ZNF28: variants seen among roughly 807,000 people sequenced by gnomAD.
ZNF28 encodes zinc finger protein KOX24.
ZNF28 carries 5 observed loss-of-function variants against 7.2 expected under a neutral mutation model. The ratio of observed to expected loss-of-function variants is 0.70; its 90% CI spans 0.36 to 1.46. The LOEUF (loss-of-function observed/expected upper bound fraction) is 1.46, where lower values mean the gene tolerates loss of function less well. Ranked by LOEUF, ZNF28 falls within the 40% of genes most tolerant of loss-of-function variation. ZNF28 has a pLI of 0.03. For synonymous variants in ZNF28, 288 were observed against 292.4 expected (o/e 0.99, Z 0.15); for missense variants, 879 against 866.6 (o/e 1.01, Z -0.18).
At chr19:52,809,919 G>C in intron 2 of ZNF28, 1 of 849,418 alleles carries the variant, frequency 1.2e-6, no homozygotes, top group Non-Finnish European at 2.0e-6. Flanking sequence ...GCCCGGGGCC[G>C]GTGGGGAGGC....
At chr19:52,815,797 C>T (rs1208492638) in intron 2 of ZNF28, among the ~76,000 whole-genome samples, 1 of 146,158 alleles carries the variant, frequency 6.8e-6, no homozygotes, top group Non-Finnish European at 1.5e-5. Flanking sequence ...TGCACTCCAG[C>T]CTGGGCGACA....
Position 52,801,441 on chromosome 19 carries a change from T to A in ZNF28, c.404A>T (p.His135Leu). 10 of 1,614,224 alleles carry A rather than the reference T, an allele frequency of 6.2e-6. No individual in the cohort carries two copies. Among genetic ancestry groups the A allele is most frequent in the Non-Finnish European group, 8.5e-6 (10 of 1,180,030 alleles). ...QHDQRHAGNK[H>L]IKDQLGLSFH... is the part of the protein sequence containing the mutation. The stretch of plus-strand genomic sequence containing the variant: ...GCTTAATCCAAGCTGATCTTTAATA[T>A]GCTTGTTTCCAGCATGCCTTTGATC... The change falls in exon 4 of 4, where the codon CAT becomes CTT. Residue 135 changes from histidine (H) to leucine (L), a missense_variant. His to Leu is a moderately conservative substitution (Grantham distance 99). This residue lies in a region of ZNF28 where 864 missense variants were observed against 830.2 expected (regional missense o/e 1.04). Coordinates refer to ENST00000457749, the MANE Select transcript of ZNF28 (RefSeq NM_006969.5).
intron 2 of ZNF28, among the ~76,000 whole-genome samples, chr19:52,812,429 A>T (rs62120970): frequency 0.61 from 65,905 of 108,382 alleles, 21,915 homozygotes; most frequent in Non-Finnish European, 0.7. Context: ...TAAGAAAAAT[A>T]CTTCTGCCTT....
chr19:52,801,305 A>G lies in ZNF28; in HGVS notation c.540T>C (p.Ile180=), dbSNP rs761483613. ...NASSVSTSQR[I]CCRPKTHISN... is the part of the protein sequence containing the mutation. ...AAATATGGGTTTTGGGCCTACAACA[A>G]ATTCTTTGGGATGTTGAAACTGAGG... The change falls in exon 4 of 4, where the codon ATT becomes ATC. Residue 180 remains isoleucine, a synonymous_variant. Coordinates refer to ENST00000457749, the MANE Select transcript of ZNF28 (RefSeq NM_006969.5). 8 of 1,614,136 alleles carry G rather than the reference A, an allele frequency of 5.0e-6. No homozygotes were observed. The highest frequency in any genetic ancestry group is 6.8e-6 in the Non-Finnish European group (8 of 1,180,018).
chr19:52,799,549 T>A lies in ZNF28; in HGVS notation c.*139A>T. ...AGTTTCTCTCCAGTATGAATGGCTT[T>A]GTGACTTACAAGGGTTGAATTGTGA... On this transcript the variant is annotated 3_prime_UTR_variant, in exon 4 of 4. Transcript: ENST00000457749. 1 of 1,452,166 alleles carries A rather than the reference T, an allele frequency of 6.9e-7. No individual in the cohort carries two copies. The highest frequency in any genetic ancestry group is 2.3e-5 in the East Asian group (1 of 43,936). The allele number at this position is 1,452,166 out of a possible 1,614,324, so 90.0% of individuals were successfully genotyped here.
At chr19:52,820,449 A>G (rs909737161) in intron 1 of ZNF28, among the ~76,000 whole-genome samples, 11 of 151,282 alleles carry the variant, frequency 7.3e-5, no homozygotes, top group African/African-American at 1.7e-4. Context: ...CTTCTCCCCA[A>G]TCTTTAGATC....
At chr19:52,816,357 A>G (rs2063123861) in intron 2 of ZNF28, among the ~76,000 whole-genome samples, 1 of 146,210 alleles carries the variant, frequency 6.8e-6, no homozygotes, top group Admixed American at 6.9e-5. Context: ...TGTTTCTACT[A>G]AAAATACAAA....
At chr19:52,811,302 C>A (rs1473697491) in intron 2 of ZNF28, among the ~76,000 whole-genome samples, 12 of 151,154 alleles carry the variant, frequency 7.9e-5, no homozygotes, top group Admixed American at 7.9e-4. Context: ...GCAGCCTCTG[C>A]CCGGCCGCCA....
intron 2 of ZNF28, chr19:52,810,176 G>A (rs2063000344): frequency 1.0e-6 from 1 of 979,330 alleles, no homozygotes; most frequent in Non-Finnish European, 1.7e-6. Context: ...GAGTCAGGGA[G>A]GTGGAGGAAG....
At chr19:52,802,529 G>C (rs1440113530) in intron 3 of ZNF28, among the ~76,000 whole-genome samples, 1 of 151,940 alleles carries the variant, frequency 6.6e-6, no homozygotes, top group Non-Finnish European at 1.5e-5. Context: ...AATACAAAAA[G>C]TAGCTGGCAT....
intron 1 of ZNF28, among the ~76,000 whole-genome samples, chr19:52,821,266 G>A (rs2063194443): frequency 6.6e-6 from 1 of 152,132 alleles, no homozygotes; most frequent in African/African-American, 2.4e-5. Flanking sequence ...AGGCGCACAG[G>A]GTGGGAATAC....
At chr19:52,809,825 C>CA in intron 2 of ZNF28, 3 of 529,916 alleles carry the variant, frequency 5.7e-6, no homozygotes, top group Non-Finnish European at 6.6e-6. Context: ...GCGGCGAAGG[C>CA]GGCGGCGGCG....
intron 3 of ZNF28, chr19:52,806,081 TG>T (rs1439738993): frequency 6.6e-6 from 1 of 152,140 alleles, no homozygotes; most frequent in Non-Finnish European, 1.5e-5. Flanking sequence ...ATAAAAGGCA[TG>T]AAAAACACTG....
intron 1 of ZNF28, among the ~76,000 whole-genome samples, chr19:52,819,020 C>G (rs1222797548): frequency 7.0e-6 from 1 of 142,726 alleles, no homozygotes; most frequent in Non-Finnish European, 1.5e-5. Flanking sequence ...AGCTCTGAGC[C>G]TAGATCTGAA....
At chr19:52,816,812 C>T (rs1233517214) in intron 2 of ZNF28, among the ~76,000 whole-genome samples, 7 of 149,314 alleles carry the variant, frequency 4.7e-5, no homozygotes, top group South Asian at 4.2e-4. Context: ...GCCTGGGCAA[C>T]AAAGCAAGAC....
In ZNF28 at chr19:52,800,631, T is replaced by A. The variant is rs758830132; in HGVS notation, c.1214A>T (p.His405Leu). The change falls in exon 4 of 4, where the codon CAT (histidine) becomes CTT (leucine). Residue 405 changes from histidine (H) to leucine (L), a missense_variant. His to Leu is a moderately conservative substitution (Grantham distance 99, BLOSUM62 -3). This residue lies in a region of ZNF28 where 864 missense variants were observed against 830.2 expected (regional missense o/e 1.04). Coordinates refer to ENST00000457749, the MANE Select transcript of ZNF28 (RefSeq NM_006969.5). ...KSHLERHKRI[H>L]TGEKPYKCKV... ...ACATTTGTATGGTTTCTCTCCAGTA[T>A]GAATCCTCTTATGTCTTTCAAGATG... 2 of 1,613,302 alleles carry A rather than the reference T, an allele frequency of 1.2e-6. No homozygotes were observed. The highest frequency in any genetic ancestry group is 8.5e-7 in the Non-Finnish European group (1 of 1,179,726).
At position 52,814,291 on chromosome 19, in the gene ZNF28, T is replaced by C. The variant is rs541086716; in HGVS notation, c.15+3653A>G. 3 of 146,276 alleles carry C rather than the reference T, an allele frequency of 2.1e-5. 1 individual carries two copies. The highest frequency in any genetic ancestry group is 4.4e-5 in the Non-Finnish European group (3 of 67,606). The allele number at this position is 146,276 out of a possible 1,614,324, so 9.1% of individuals were successfully genotyped here. On this transcript the variant is annotated intron_variant, in intron 2 of 3. Coordinates refer to ENST00000457749, the MANE Select transcript of ZNF28 (RefSeq NM_006969.5). ...TGATGTTTAAATATAACCATATATA[T>C]TTAATAACAATTGGTGGGGCTGGGC...
chr19:52,810,698 C>A (rs1600455448), intron 2 of ZNF28: 1 of 796,008 alleles, frequency 1.3e-6, no homozygotes, highest in Admixed American at 1.8e-5. Context: ...TCACGGTATT[C>A]CCCTTACTAA....
chr19:52,806,238 T>C (rs1366794290), intron 3 of ZNF28, among the ~76,000 whole-genome samples: 4 of 152,032 alleles, frequency 2.6e-5, no homozygotes, highest in African/African-American at 9.6e-5. Flanking sequence ...CTGTCTCCCA[T>C]GCTGGAGTGC....
Sources: allele counts gnomAD v4.1 joint callset (sites outside exome capture counted in the v4.1 genomes callset), GRCh38; gene constraint gnomAD v4.1.1; regional missense constraint gnomAD v4.1.1; transcripts MANE v1.5; gene names NCBI Gene and HGNC (gene_info 2026-07-23, HGNC 2026-07-21).